Variants in CDK13 observed in about 807,000 individuals in gnomAD.
The protein encoded by CDK13 is cyclin dependent kinase 13.
A neutral mutation model predicts 137.6 loss-of-function variants in CDK13; 40 were observed. That is an observed-to-expected ratio of 0.29 (90% CI 0.23 to 0.38). The LOEUF is 0.38. Ranked by LOEUF, CDK13 falls within the 10% of genes least tolerant of loss-of-function variation. CDK13 has a pLI of 1.00. For synonymous variants in CDK13, 869 were observed against 760.1 expected, an observed-to-expected ratio of 1.14 and a Z score of -2.36; for missense variants, 1,704 against 1,951.8, an observed-to-expected ratio of 0.87 and a Z score of 2.39.
chr7:39,951,097 G>A lies in CDK13; in HGVS notation c.456G>A (p.Gln152=), dbSNP rs1787161153. Residue 152 remains glutamine, a synonymous_variant, in exon 1 of 14, where the codon CAG becomes CAA. Transcript: ENST00000181839. ...PLVEYEDVSS[Q]SEQGLLLGGA... ...TGGAATACGAGGATGTGAGCTCCCA[G>A]TCCGAGCAGGGGCTGCTGCTGGGGG... 1.7e-5 allele frequency: 21 copies of A among 1,259,894 alleles called. No individual in the cohort carries two copies. Among genetic ancestry groups the A allele is most frequent in the Non-Finnish European group, 2.1e-5 (21 of 1,003,868 alleles). 78.0% of individuals were successfully genotyped at this position (1,259,894 alleles called of 1,614,324 possible).
intron 2 of CDK13, among the ~76,000 whole-genome samples, chr7:39,993,036 A>G (rs1784496573): frequency 1.3e-5 from 2 of 152,104 alleles, no homozygotes; most frequent in Non-Finnish European, 1.5e-5. Context: ...ATTAGAAGTG[A>G]GCTGTAGGGT....
intron 1 of CDK13, among the ~76,000 whole-genome samples, chr7:39,973,277 C>T (rs1217381118): frequency 2.0e-5 from 3 of 152,070 alleles, no homozygotes; most frequent in African/African-American, 7.2e-5. Flanking sequence ...GCTGGGACCA[C>T]AGGTACACGC....
Position 40,097,935 on chromosome 7 carries a change from G to T in CDK13, c.*2955G>T, listed in dbSNP as rs1787079121. On this transcript the variant is annotated 3_prime_UTR_variant, in exon 14 of 14. Transcript: ENST00000181839. ...ATGCCAGGTAGTAATCTAGTCCTTG[G>T]GGTACATCAATAACCGTCAACAGTG... The T allele has an allele frequency of 6.6e-6, 1 of 152,024 alleles. No individual in the cohort carries two copies. The highest frequency in any genetic ancestry group is 1.5e-5 in the Non-Finnish European group (1 of 67,980). 9.4% of individuals were successfully genotyped at this position (152,024 alleles called of 1,614,324 possible). A position where few individuals can be genotyped will look rare whatever the true frequency, so the allele number is the denominator to read the frequency against.
intron 1 of CDK13, chr7:39,985,736 A>G (rs1366711885): frequency 6.6e-6 from 1 of 152,216 alleles, no homozygotes; most frequent in Non-Finnish European, 1.5e-5. Context: ...TCCAACTCAG[A>G]TCTTATAAGA....
rs556857400 is a variant in CDK13 at position 39,996,279 on chromosome 7, A to G, written c.1872-1215A>G. 3.9e-5 allele frequency among the ~76,000 whole-genome samples: 6 copies of G among 152,340 alleles called. No homozygotes were observed. The South Asian group carries it at 1.2e-3, about 32-fold the overall frequency. On this transcript the variant is annotated intron_variant, in intron 2 of 13. Transcript: ENST00000181839. ...TTCTGATCACAGCAGTGTAGTTGCA[A>G]TAAATTTTTTCATTATGGGACTCAA...
At chr7:40,062,320 C>T (rs888690688) in intron 7 of CDK13, 4 of 152,436 alleles carry the variant, frequency 2.6e-5, no homozygotes, top group African/African-American at 9.7e-5. Flanking sequence ...GAGTCTTGCT[C>T]TGTCACCCAG....
chr7:39,962,992 T>G (rs1783784020), intron 1 of CDK13, among the ~76,000 whole-genome samples: 2 of 152,216 alleles, frequency 1.3e-5, no homozygotes, highest in South Asian at 4.1e-4. Context: ...TATCTCTGTT[T>G]TAGTACCAGT....
At chr7:40,001,653 G>A (rs1784688401) in intron 4 of CDK13, among the ~76,000 whole-genome samples, 1 of 151,998 alleles carries the variant, frequency 6.6e-6, no homozygotes, top group Admixed American at 6.6e-5. Flanking sequence ...GTATTCCCTG[G>A]TTTATGTAAA....
chr7:40,092,028 C>T (rs1191228989), intron 12 of CDK13, among the ~76,000 whole-genome samples: 1 of 151,838 alleles, frequency 6.6e-6, no homozygotes, highest in Non-Finnish European at 1.5e-5. Context: ...ATCCTTATTA[C>T]TGGTGATGAG....
intron 9 of CDK13, among the ~76,000 whole-genome samples, 175 bp downstream of exon 9, chr7:40,063,275 GA>G (rs1338664950): frequency 1.3e-5 from 2 of 152,160 alleles, no homozygotes; most frequent in Non-Finnish European, 2.9e-5. Context: ...TTGTTCCAGT[GA>G]AATTAAGGAT....
intron 1 of CDK13, among the ~76,000 whole-genome samples, chr7:39,975,863 C>T (rs977638882): frequency 6.6e-6 from 1 of 152,124 alleles, no homozygotes; most frequent in Non-Finnish European, 1.5e-5. Context: ...TTGGAAACCA[C>T]TACAGAGTTT....
chr7:39,973,294 A>T (rs1322920489), intron 1 of CDK13, among the ~76,000 whole-genome samples: 1 of 151,940 alleles, frequency 6.6e-6, no homozygotes, highest in African/African-American at 2.4e-5. Context: ...ACGCCACCAC[A>T]CCTGGCTAAT....
At chr7:39,993,351 C>G (rs1279515461) in intron 2 of CDK13, among the ~76,000 whole-genome samples, 1 of 152,152 alleles carries the variant, frequency 6.6e-6, no homozygotes, top group African/African-American at 2.4e-5. Context: ...CTTTTTTACC[C>G]TCACATTGTC....
At position 40,095,175 on chromosome 7, in the gene CDK13, T is replaced by A; in HGVS notation, c.*195T>A. 2.5e-6 allele frequency: 1 copy of A among 399,368 alleles called. No homozygotes were observed. The highest frequency in any genetic ancestry group is 4.3e-6 in the Non-Finnish European group (1 of 234,540). 24.7% of individuals were successfully genotyped at this position (399,368 alleles called of 1,614,324 possible). On this transcript the variant is annotated 3_prime_UTR_variant, in exon 14 of 14. Transcript: ENST00000181839. Reference sequence around the variant, plus strand: ...CTTAAATTCATGCTGTTCTAAAAACTAGATCGATTGTACATCTTCACAAAT... The same window carrying A: ...CTTAAATTCATGCTGTTCTAAAAACAAGATCGATTGTACATCTTCACAAAT...
Position 39,951,851 on chromosome 7 carries a change from A to G in CDK13, c.1210A>G (p.Arg404Gly). 1.4e-6 allele frequency: 2 copies of G among 1,381,530 alleles called. No individual in the cohort carries two copies. The highest frequency in any genetic ancestry group is 1.9e-6 in the Non-Finnish European group (2 of 1,068,218). The allele number at this position is 1,381,530 out of a possible 1,614,324, so 85.6% of individuals were successfully genotyped here. A position where few individuals can be genotyped will look rare whatever the true frequency, so the allele number is the denominator to read the frequency against. Residue 404 changes from arginine (R) to glycine (G), a missense_variant and splice_region_variant, in exon 1 of 14, where the codon AGA becomes GGA. Transcript: ENST00000181839. ...RSRSPYSPVL[R>G]RSGKSRSRSP... ...TCGCAGTCCCTACAGCCCTGTGCTC[A>G]GGTGAGTTCTGCCGTTCTGCCTGTG...
At position 39,951,125 on chromosome 7, in the gene CDK13, G is replaced by C. The variant is rs575159200; in HGVS notation, c.484G>C (p.Ala162Pro). 2.4e-6 allele frequency: 3 copies of C among 1,244,056 alleles called. No homozygotes were observed. The highest frequency in any genetic ancestry group is 3.7e-5 in the South Asian group (1 of 26,840). The allele number at this position is 1,244,056 out of a possible 1,614,324, so 77.1% of individuals were successfully genotyped here. Reference protein sequence around the residue: ...QSEQGLLLGGASAATAATAAG... With the variant: ...QSEQGLLLGGPSAATAATAAG... Reference sequence around the variant, plus strand: ...CGAGCAGGGGCTGCTGCTGGGGGGGGCCAGCGCGGCAACGGCGGCGACGGC... The same window carrying C: ...CGAGCAGGGGCTGCTGCTGGGGGGGCCCAGCGCGGCAACGGCGGCGACGGC... The change falls in exon 1 of 14, where the codon GCC becomes CCC. Residue 162 changes from alanine (A) to proline (P), a missense_variant. Ala to Pro is a conservative substitution (Grantham distance 27). This residue lies in a region of CDK13 where 1,051 missense variants were observed against 931.0 expected (regional missense o/e 1.13). Transcript: ENST00000181839.
chr7:40,078,658 C>T (rs994608284), intron 10 of CDK13, 62 bp from the exon 11 acceptor site: 2 of 1,079,574 alleles, frequency 1.9e-6, no homozygotes, highest in Non-Finnish European at 2.5e-6. Flanking sequence ...ATTTAAGCTC[C>T]TAAAGAAACA....
At chr7:40,077,888 T>C (rs1381672296) in intron 9 of CDK13, 117 bp from the exon 10 acceptor site, 3 of 529,456 alleles carry the variant, frequency 5.7e-6, no homozygotes, top group Non-Finnish European at 1.0e-5. Flanking sequence ...ACAAAAGTTT[T>C]TATAGACCAA....
intron 1 of CDK13, among the ~76,000 whole-genome samples, chr7:39,973,901 AG>A (rs1254386755): frequency 6.6e-6 from 1 of 152,222 alleles, no homozygotes; most frequent in Non-Finnish European, 1.5e-5. Flanking sequence ...CACAAATGTT[AG>A]GATTTATTTA....
Sources: gnomAD v4.1 joint callset for allele counts (sites outside exome capture counted in the v4.1 genomes callset) on GRCh38, gnomAD v4.1.1 for gene constraint, gnomAD v4.1.1 regional missense constraint, MANE v1.5 for transcripts, NCBI Gene and HGNC (gene_info 2026-07-23, HGNC 2026-07-21) for gene names.